EIF4G3: variants seen among roughly 807,000 people sequenced by gnomAD.
The protein encoded by EIF4G3 is eukaryotic translation initiation factor 4 gamma 3.
In EIF4G3, 34 loss-of-function variants were observed where a neutral mutation model predicts 186.4. The observed-to-expected ratio is 0.18, with a 90% confidence interval of 0.14 to 0.24. EIF4G3 has a LOEUF of 0.24. EIF4G3 is among the 10% of genes least tolerant of loss of function. EIF4G3 has a pLI of 1.00. For missense variants in EIF4G3, 1,536 were observed against 1,948.5 expected (o/e 0.79, Z 3.99); for synonymous variants, 673 against 679.5 (o/e 0.99, Z 0.15).
chr1:20,868,204 G>C lies in EIF4G3; in HGVS notation c.2623-2942C>G, dbSNP rs573775224. Among the ~76,000 whole-genome samples, 3 of 148,268 alleles carry C rather than the reference G, an allele frequency of 2.0e-5. No homozygotes were observed. In the Admixed American group the frequency reaches 2.1e-4, roughly 10 times the overall value. ...GAGACCCACTGAGATTGGTTAGTTG[G>C]AACAGAACATGAAGAGTGGATACCT... On this transcript the variant is annotated intron_variant, in intron 20 of 36. Coordinates refer to ENST00000602326, the MANE Select transcript of EIF4G3 (RefSeq NM_001391906.1).
intron 11 of EIF4G3, among the ~76,000 whole-genome samples, chr1:20,970,823 G>A (rs1452835341): frequency 6.6e-6 from 1 of 152,022 alleles, no homozygotes; most frequent in Non-Finnish European, 1.5e-5. Flanking sequence ...AATTAGCTGG[G>A]TGCGGTGGCA....
intron 3 of EIF4G3, among the ~76,000 whole-genome samples, chr1:21,087,847 A>G (rs2096046217): frequency 6.6e-6 from 1 of 151,742 alleles, no homozygotes; most frequent in African/African-American, 2.4e-5. Context: ...GTTAGCCAGG[A>G]TGGTCTCGAT....
chr1:20,947,858 A>T (rs1573346963), intron 13 of EIF4G3, among the ~76,000 whole-genome samples: 2 of 152,344 alleles, frequency 1.3e-5, no homozygotes, highest in Non-Finnish European at 2.9e-5. Context: ...AACAAAAACA[A>T]AAACCTGAGA....
intron 3 of EIF4G3, among the ~76,000 whole-genome samples, chr1:21,084,377 A>C (rs1338875338): frequency 6.6e-6 from 1 of 152,146 alleles, no homozygotes; most frequent in Non-Finnish European, 1.5e-5. Flanking sequence ...AGAGAGAGAG[A>C]GAGCAAGGGG....
chr1:20,916,339 C>T (rs551158318), intron 14 of EIF4G3, among the ~76,000 whole-genome samples: 3 of 151,396 alleles, frequency 2.0e-5, no homozygotes, highest in South Asian at 2.1e-4. Context: ...CCCAGCTACT[C>T]GGGAGGCTGA....
chr1:21,145,220 C>T (rs1348985358), intron 2 of EIF4G3, among the ~76,000 whole-genome samples: 1 of 152,140 alleles, frequency 6.6e-6, no homozygotes, highest in African/African-American at 2.4e-5. Flanking sequence ...ATCATCAACT[C>T]TCTCATATAG....
At chr1:21,025,496 C>G (rs1283472066) in intron 4 of EIF4G3, among the ~76,000 whole-genome samples, 3 of 151,504 alleles carry the variant, frequency 2.0e-5, no homozygotes, top group African/African-American at 7.3e-5. Context: ...ATAGAAACAG[C>G]AGGATTTTCT....
At chr1:20,856,883 C>G (rs2075063830) in intron 25 of EIF4G3, among the ~76,000 whole-genome samples, 1 of 152,080 alleles carries the variant, frequency 6.6e-6, no homozygotes, top group Admixed American at 6.5e-5. Flanking sequence ...AGAAATGAGG[C>G]CGGGCGCGGT....
At chr1:20,828,702 C>T (rs2320590) in intron 31 of EIF4G3, among the ~76,000 whole-genome samples, 79,084 of 151,936 alleles carry the variant, frequency 0.52, 21,192 homozygotes, top group East Asian at 0.83. Flanking sequence ...CACATCCAAA[C>T]GTAGGAATAC....
intron 3 of EIF4G3, among the ~76,000 whole-genome samples, chr1:21,059,916 C>T (rs2094796987): frequency 2.0e-5 from 3 of 152,172 alleles, no homozygotes; most frequent in African/African-American, 4.8e-5. Flanking sequence ...CAAAGGTTAA[C>T]GAAAGTGGAC....
At position 21,110,830 on chromosome 1, in the gene EIF4G3, G is replaced by A. The variant is rs2096713345; in HGVS notation, c.-271-21617C>T. On this transcript the variant is annotated intron_variant, in intron 2 of 36. Transcript: ENST00000602326. Reference sequence around the variant, plus strand: ...CATCCACCCACCTCAGCGTCCCAAAGTGCTAGGATTATAGGCGTGAGCCAC... The same window carrying A: ...CATCCACCCACCTCAGCGTCCCAAAATGCTAGGATTATAGGCGTGAGCCAC... Among the ~76,000 whole-genome samples the A allele has an allele frequency of 1.3e-5, 2 of 152,206 alleles. 1 individual carries two copies. Among genetic ancestry groups the A allele is most frequent in the South Asian group, 4.1e-4 (2 of 4,830 alleles).
intron 20 of EIF4G3, 140 bp from the exon 21 acceptor site, chr1:20,865,402 G>T: frequency 1.2e-6 from 1 of 827,556 alleles, no homozygotes. Context: ...ATAGCTTCAG[G>T]CATTTCATGA....
chr1:21,002,307 A>C (rs1347916505), intron 5 of EIF4G3, among the ~76,000 whole-genome samples: 4 of 152,246 alleles, frequency 2.6e-5, no homozygotes, highest in Admixed American at 6.5e-5. Context: ...CCTGCTTCCC[A>C]AAACCACTGG....
chr1:20,853,071 G>T (rs748533795), intron 27 of EIF4G3, among the ~76,000 whole-genome samples: 1 of 152,084 alleles, frequency 6.6e-6, no homozygotes, highest in Non-Finnish European at 1.5e-5. Flanking sequence ...GCACTACAGG[G>T]TGCCCATTCA....
chr1:20,830,944 C>T (rs1163920025), intron 30 of EIF4G3, among the ~76,000 whole-genome samples: 1 of 152,146 alleles, frequency 6.6e-6, no homozygotes, highest in African/African-American at 2.4e-5. Context: ...TAGGTAATAA[C>T]TGTCTTTATG....
At chr1:21,090,158 CTA>C (rs1200885374) in intron 2 of EIF4G3, among the ~76,000 whole-genome samples, 4 of 152,216 alleles carry the variant, frequency 2.6e-5, no homozygotes, top group African/African-American at 7.2e-5. Context: ...ACAAGCAAAA[CTA>C]TTAGTAAGAT....
At chr1:21,046,451 G>A (rs908263622) in intron 4 of EIF4G3, among the ~76,000 whole-genome samples, 2 of 152,212 alleles carry the variant, frequency 1.3e-5, no homozygotes, top group African/African-American at 4.8e-5. Flanking sequence ...TGAGATTGCA[G>A]AGGACATTGG....
chr1:21,073,718 G>C, intron 3 of EIF4G3: 1 of 499,272 alleles, frequency 2.0e-6, no homozygotes, highest in South Asian at 1.5e-5. Flanking sequence ...GCCTAGTTTT[G>C]TTAGAGACTG....
At chr1:21,153,767 G>C (rs138807762) in intron 2 of EIF4G3, among the ~76,000 whole-genome samples, 10 of 151,992 alleles carry the variant, frequency 6.6e-5, no homozygotes, top group Non-Finnish European at 1.2e-4. Context: ...ATTTCACCAT[G>C]TTGGCCAGGC....
Sources: allele counts gnomAD v4.1 joint callset (sites outside exome capture counted in the v4.1 genomes callset), GRCh38; gene constraint gnomAD v4.1.1; transcripts MANE v1.5; gene names NCBI Gene and HGNC (gene_info 2026-07-23, HGNC 2026-07-21).